The following RARB variants were observed in gnomAD, a reference collection of about 807,000 sequenced individuals.
The protein encoded by RARB is retinoic acid receptor beta.
RARB carries 17 observed loss-of-function variants against 51.9 expected under a neutral mutation model. The observed-to-expected ratio is 0.33, with a 90% confidence interval of 0.22 to 0.49. The LOEUF (loss-of-function observed/expected upper bound fraction) is 0.49. Ranked by LOEUF, RARB falls within the 20% of genes least tolerant of loss-of-function variation. The pLI, the probability that RARB is intolerant of heterozygous loss-of-function variation, is 0.99. For synonymous variants in RARB, 215 were observed against 195.4 expected, an observed-to-expected ratio of 1.10 and a Z score of -0.84; for missense variants, 369 against 550.8, an observed-to-expected ratio of 0.67 and a Z score of 3.30.
At chr3:24,830,252 A>G in intron 1 of RARB, among the ~76,000 whole-genome samples, 1 of 143,090 alleles carries the variant, frequency 7.0e-6, no homozygotes, top group Admixed American at 7.4e-5. Context: ...AATCTATGTA[A>G]TTGCAGTGTG....
intron 5 of RARB, among the ~76,000 whole-genome samples, chr3:25,348,362 C>T (rs1075410): frequency 0.27 from 40,654 of 149,032 alleles, 5,865 homozygotes; most frequent in Admixed American, 0.38. Flanking sequence ...GCAATAATAA[C>T]TATAGTGGGA....
intron 3 of RARB, among the ~76,000 whole-genome samples, chr3:25,533,504 A>G (rs977474246): frequency 6.6e-6 from 1 of 152,244 alleles, no homozygotes. Context: ...CATGGGTAGT[A>G]TAGCACATGG....
At chr3:25,252,337 T>C (rs73151261) in intron 5 of RARB, among the ~76,000 whole-genome samples, 1,868 of 152,272 alleles carry the variant, frequency 0.012, 31 homozygotes, top group African/African-American at 0.043. Flanking sequence ...TTGGGGACCT[T>C]TGCAATTATA....
intron 3 of RARB, among the ~76,000 whole-genome samples, chr3:25,520,968 C>T (rs973313676): frequency 6.6e-6 from 1 of 152,188 alleles, no homozygotes; most frequent in African/African-American, 2.4e-5. Flanking sequence ...CATTCCTACC[C>T]TTTATACACC....
chr3:25,032,061 T>C (rs142491149), intron 2 of RARB, among the ~76,000 whole-genome samples: 94 of 152,280 alleles, frequency 6.2e-4, no homozygotes, highest in African/African-American at 2.2e-3. Flanking sequence ...AAGCCTGTAA[T>C]CAAGACATAA....
intron 5 of RARB, among the ~76,000 whole-genome samples, chr3:25,202,402 A>AT (rs1373103328): frequency 4.6e-5 from 7 of 151,414 alleles, no homozygotes; most frequent in East Asian, 1.9e-4. Context: ...GGATTCTTTG[A>AT]TTTTTTGAAG....
intron 2 of RARB, 61 bp from the exon 3 acceptor site, chr3:25,501,121 T>G: frequency 6.6e-7 from 1 of 1,520,818 alleles, no homozygotes; most frequent in Non-Finnish European, 8.8e-7. Context: ...AAGGTTGGCT[T>G]TGATTTCTGA....
chr3:25,353,449 A>G (rs1705637861), intron 5 of RARB, among the ~76,000 whole-genome samples: 1 of 152,160 alleles, frequency 6.6e-6, no homozygotes, highest in African/African-American at 2.4e-5. Flanking sequence ...GGCAGTATCA[A>G]TACAGATTCC....
intron 2 of RARB, among the ~76,000 whole-genome samples, chr3:24,945,439 A>G (rs995210041): frequency 6.6e-6 from 1 of 152,236 alleles, no homozygotes; most frequent in African/African-American, 2.4e-5. Context: ...GACATAAGTG[A>G]TAGCAGTGGG....
intron 3 of RARB, among the ~76,000 whole-genome samples, chr3:25,130,140 C>A (rs1356036499): frequency 1.3e-5 from 2 of 152,146 alleles, no homozygotes; most frequent in African/African-American, 4.8e-5. Context: ...TGACAGGCCT[C>A]TTTTATGTAT....
In RARB at chr3:25,257,315, G is replaced by A. The variant is rs531790435; in HGVS notation, c.178+82740G>A. Among the ~76,000 whole-genome samples the A allele has an allele frequency of 5.3e-5, 8 of 152,174 alleles. No individual in the cohort carries two copies. The East Asian group carries it at 1.4e-3, about 26-fold the overall frequency. ...CCAACTGGACTGTGTCCAGCACAGA[G>A]GAGTGAGAGTAGAATGAAAAGGGAA... On this transcript the variant is annotated intron_variant, in intron 5 of 11. Coordinates refer to the RARB transcript ENST00000383772.
chr3:25,357,660 C>T, intron 5 of RARB, among the ~76,000 whole-genome samples: 1 of 152,164 alleles, frequency 6.6e-6, no homozygotes. Flanking sequence ...ACATTTAAAT[C>T]TTTAATCCAT....
intron 2 of RARB, among the ~76,000 whole-genome samples, chr3:24,997,563 T>C (rs1697068441): frequency 6.6e-6 from 1 of 152,104 alleles, no homozygotes; most frequent in Admixed American, 6.6e-5. Flanking sequence ...TTTTCTACAG[T>C]TATAAGGGTT....
chr3:25,048,280 T>C (rs2125298290), intron 2 of RARB, among the ~76,000 whole-genome samples: 1 of 152,306 alleles, frequency 6.6e-6, no homozygotes, highest in East Asian at 1.9e-4. Flanking sequence ...ACTTGGTGAT[T>C]TGGGCCATCT....
chr3:25,168,569 G>A (rs903877543), intron 4 of RARB, among the ~76,000 whole-genome samples: 1 of 151,688 alleles, frequency 6.6e-6, no homozygotes, highest in Non-Finnish European at 1.5e-5. Flanking sequence ...AAAATACGTG[G>A]CAGTCATGAC....
intron 2 of RARB, among the ~76,000 whole-genome samples, chr3:24,867,802 T>C (rs1484738936): frequency 1.3e-5 from 2 of 152,136 alleles, no homozygotes; most frequent in Non-Finnish European, 2.9e-5. Flanking sequence ...AAATCAACTT[T>C]GGAAATTCTC....
rs115173920 is a variant in RARB at position 25,388,951 on chromosome 3, C to A, written c.179-72242C>A. Among the ~76,000 whole-genome samples, 1,003 of 152,244 alleles carry A rather than the reference C, an allele frequency of 6.6e-3. 14 individuals carry two copies. Among genetic ancestry groups the A allele is most frequent in the African/African-American group, 0.022 (916 of 41,532 alleles). On this transcript the variant is annotated intron_variant, in intron 5 of 11. Transcript: ENST00000383772. ...TTTAGTGGTAGAAAATGCCACTGAT[C>A]TGTTTCATTGAATAGAAACACATCC...
intron 5 of RARB, among the ~76,000 whole-genome samples, chr3:25,337,387 C>G (rs1212832844): frequency 6.6e-6 from 1 of 152,192 alleles, no homozygotes; most frequent in African/African-American, 2.4e-5. Flanking sequence ...CAGAGAGAAT[C>G]TACAGCATTT....
Position 25,043,836 on chromosome 3 carries a change from A to C in RARB, c.-379-16289A>C, listed in dbSNP as rs1407247698. 2.0e-5 allele frequency among the ~76,000 whole-genome samples: 3 copies of C among 152,218 alleles called. No homozygotes were observed. In the East Asian group the frequency reaches 5.8e-4, roughly 29 times the overall value. ...TAGGAGGTTAGACATATGCAATAAA[A>C]AGCAATCATTTCATGAATATTGGTG... On this transcript the variant is annotated intron_variant, in intron 2 of 11. Coordinates refer to the RARB transcript ENST00000383772.
Sources: allele counts gnomAD v4.1 joint callset (sites outside exome capture counted in the v4.1 genomes callset), GRCh38; gene constraint gnomAD v4.1.1; transcripts MANE v1.5; gene names NCBI Gene and HGNC (gene_info 2026-07-23, HGNC 2026-07-21).